Variants in GPR137C observed in about 807,000 individuals in gnomAD.
The protein encoded by GPR137C is G protein-coupled receptor 137C, also known as integral membrane protein GPR137C.
A neutral mutation model predicts 43.4 loss-of-function variants in GPR137C; 27 were observed. The observed-to-expected ratio is 0.62, with a 90% CI of 0.46 to 0.86. The LOEUF (loss-of-function observed/expected upper bound fraction) is 0.86, where lower values mean the gene tolerates loss of function less well. Ranked by LOEUF, GPR137C falls within the 40% of genes least tolerant of loss-of-function variation. The pLI is 0.00. For synonymous variants in GPR137C, 285 were observed against 226.9 expected, an observed-to-expected ratio of 1.26 and a Z score of -2.30; for missense variants, 522 against 534.6, an observed-to-expected ratio of 0.98 and a Z score of 0.23.
At chr14:52,573,731 A>G (rs1006005851) in intron 1 of GPR137C, among the ~76,000 whole-genome samples, 3 of 152,240 alleles carry the variant, frequency 2.0e-5, no homozygotes, top group African/African-American at 4.8e-5. Context: ...ATGGGATCTA[A>G]TTAAACTAAA....
At chr14:52,582,287 G>A (rs1177044797) in intron 1 of GPR137C, among the ~76,000 whole-genome samples, 4 of 152,154 alleles carry the variant, frequency 2.6e-5, no homozygotes, top group East Asian at 1.9e-4. Context: ...GGTCCCAAAG[G>A]CCCCACCTCC....
intron 1 of GPR137C, among the ~76,000 whole-genome samples, chr14:52,574,966 C>T (rs2038528959): frequency 6.6e-6 from 1 of 152,106 alleles, no homozygotes; most frequent in Non-Finnish European, 1.5e-5. Context: ...TTTTAAAGGA[C>T]AGCATAGTTT....
At chr14:52,570,905 C>T (rs2038456478) in intron 1 of GPR137C, among the ~76,000 whole-genome samples, 1 of 152,144 alleles carries the variant, frequency 6.6e-6, no homozygotes, top group African/African-American at 2.4e-5. Context: ...CTTTAACACC[C>T]CACTGTCCAT....
intron 1 of GPR137C, among the ~76,000 whole-genome samples, chr14:52,589,610 C>T (rs371637645): frequency 6.6e-6 from 1 of 152,108 alleles, no homozygotes; most frequent in African/African-American, 2.4e-5. Context: ...TAACAGTATA[C>T]TATTTTAGAC....
chr14:52,626,109 T>C (rs1027899681), intron 3 of GPR137C, among the ~76,000 whole-genome samples: 2 of 152,348 alleles, frequency 1.3e-5, no homozygotes, highest in Admixed American at 1.3e-4. Flanking sequence ...ATCGAGATGA[T>C]TTAATGTATA....
At chr14:52,570,358 G>A (rs1004077140) in intron 1 of GPR137C, among the ~76,000 whole-genome samples, 11 of 152,154 alleles carry the variant, frequency 7.2e-5, no homozygotes, top group Non-Finnish European at 1.5e-4. Context: ...ACTAAATATG[G>A]AAAGGAACAA....
intron 1 of GPR137C, among the ~76,000 whole-genome samples, chr14:52,557,227 T>G (rs538557751): frequency 6.6e-6 from 1 of 152,322 alleles, no homozygotes; most frequent in South Asian, 2.1e-4. Context: ...TATTATTGAA[T>G]GACACTTTAT....
At chr14:52,581,490 C>G in intron 1 of GPR137C, among the ~76,000 whole-genome samples, 1 of 150,068 alleles carries the variant, frequency 6.7e-6, no homozygotes, top group East Asian at 2.0e-4. Flanking sequence ...GAGCTGAGAT[C>G]GCACCACTGC....
intron 3 of GPR137C, among the ~76,000 whole-genome samples, chr14:52,627,636 G>T (rs770601421): frequency 2.0e-5 from 3 of 152,024 alleles, no homozygotes; most frequent in Non-Finnish European, 4.4e-5. Flanking sequence ...CACAAGGTCA[G>T]GAGATGAGAC....
chr14:52,579,492 G>A (rs955061374), intron 1 of GPR137C, among the ~76,000 whole-genome samples: 5 of 152,154 alleles, frequency 3.3e-5, no homozygotes, highest in Admixed American at 6.5e-5. Context: ...CTGAAATCAC[G>A]TTGTTCTCAA....
chr14:52,578,658 A>C (rs183773414), intron 1 of GPR137C, among the ~76,000 whole-genome samples: 2 of 152,132 alleles, frequency 1.3e-5, no homozygotes, highest in Non-Finnish European at 2.9e-5. Flanking sequence ...AGTGGAGGCC[A>C]GGCATGGTGG....
intron 1 of GPR137C, among the ~76,000 whole-genome samples, chr14:52,582,950 T>C (rs1475143696): frequency 6.6e-6 from 1 of 152,168 alleles, no homozygotes. Flanking sequence ...ATTTTCTAAA[T>C]AAGGATCTGC....
intron 3 of GPR137C, 63 bp from the exon 4 acceptor site, chr14:52,632,097 C>T (rs2039300943): frequency 1.8e-6 from 2 of 1,142,458 alleles, no homozygotes; most frequent in East Asian, 2.4e-5. Context: ...ATTGTATGTA[C>T]ATGAATAGCT....
In GPR137C at chr14:52,552,862, C is replaced by G. The variant is rs540579657; in HGVS notation, c.-286C>G. ...GTGCGGAGCGAGCGCCTCAAATGCT[C>G]GGGTTTCTCAGCTGATTGTCTCCAG... On this transcript the variant is annotated 5_prime_UTR_variant, in exon 1 of 7. Coordinates refer to ENST00000321662, the MANE Select transcript of GPR137C (RefSeq NM_001099652.2). 5.9e-5 allele frequency among the ~76,000 whole-genome samples: 9 copies of G among 151,984 alleles called. No homozygotes were observed. The South Asian group carries it at 1.2e-3, about 21-fold the overall frequency.
chr14:52,603,080 C>T (rs2038945115), intron 3 of GPR137C, among the ~76,000 whole-genome samples: 1 of 152,174 alleles, frequency 6.6e-6, no homozygotes, highest in East Asian at 1.9e-4. Flanking sequence ...CATCAACCAA[C>T]TTCTCTTCAT....
At chr14:52,590,044 A>C (rs1196268954) in intron 1 of GPR137C, among the ~76,000 whole-genome samples, 1 of 152,202 alleles carries the variant, frequency 6.6e-6, no homozygotes, top group Non-Finnish European at 1.5e-5. Context: ...AGTATTCCAG[A>C]AGAAGGCACT....
In GPR137C at chr14:52,632,249, C is replaced by T; in HGVS notation, c.807C>T (p.Thr269=). Residue 269 remains threonine, a synonymous_variant, in exon 4 of 7, where the codon ACC becomes ACT. Coordinates refer to ENST00000321662, the MANE Select transcript of GPR137C (RefSeq NM_001099652.2). The stretch of plus-strand genomic sequence containing the variant: ...CTTGTTATAATTTGGTGGTGGTCAC[C>T]ATATCTCAGGATACATTAGAAAGTC... ...SRACYNLVVV[T]ISQDTLESPF... is the part of the protein sequence containing the mutation. 1 of 1,610,906 alleles carries T rather than the reference C, an allele frequency of 6.2e-7. No individual in the cohort carries two copies. The highest frequency in any genetic ancestry group is 8.5e-7 in the Non-Finnish European group (1 of 1,177,298).
chr14:52,596,701 T>C (rs192650158), intron 1 of GPR137C, among the ~76,000 whole-genome samples: 55 of 152,222 alleles, frequency 3.6e-4, no homozygotes, highest in African/African-American at 1.3e-3. Flanking sequence ...TGGACGAGAG[T>C]GTACCATTCC....
chr14:52,615,117 A>G (rs1300754144), intron 3 of GPR137C, among the ~76,000 whole-genome samples: 1 of 152,172 alleles, frequency 6.6e-6, no homozygotes, highest in Non-Finnish European at 1.5e-5. Context: ...ATTCGTTTTG[A>G]TTTAATTTTT....
Sources: allele counts gnomAD v4.1 joint callset (sites outside exome capture counted in the v4.1 genomes callset), GRCh38; gene constraint gnomAD v4.1.1; transcripts MANE v1.5; gene names NCBI Gene and HGNC (gene_info 2026-07-23, HGNC 2026-07-21).